Variants in MYOM1 observed in about 807,000 individuals in gnomAD.
MYOM1 encodes myomesin-1.
In MYOM1, 164 loss-of-function variants were observed where a neutral mutation model predicts 205.3. The ratio of observed to expected loss-of-function variants is 0.80; its 90% confidence interval spans 0.70 to 0.91. The LOEUF (loss-of-function observed/expected upper bound fraction) is 0.91, where lower values mean the gene tolerates loss of function less well. Ranked by LOEUF, MYOM1 falls within the 40% of genes least tolerant of loss-of-function variation. The pLI is 0.00. For missense variants in MYOM1, 2,011 were observed against 2,127.3 expected (o/e 0.95, Z 1.08); for synonymous variants, 772 against 789.4 (o/e 0.98, Z 0.37).
rs534974724 is a variant in MYOM1 at position 3,155,227 on chromosome 18, C to T, written c.1502-139G>A. On this transcript the variant is annotated intron_variant, in intron 10 of 37. Coordinates refer to ENST00000356443, the MANE Select transcript of MYOM1 (RefSeq NM_003803.4). ...CCAACGCAGCAAGCATCAAATCTTG[C>T]TATTTTTTTTTTGAGACGGAGTCTC... is the stretch of plus-strand genomic sequence containing the variant. The T allele has an allele frequency of 2.1e-4, 198 of 923,834 alleles. 1 individual carries two copies. In the African/African-American group the frequency reaches 2.7e-3, roughly 13 times the overall value. The allele number at this position is 923,834 out of a possible 1,614,324, so 57.2% of individuals were successfully genotyped here. A position where few individuals can be genotyped will look rare whatever the true frequency, so the allele number is the denominator to read the frequency against.
chr18:3,136,873 T>C (rs976440929), intron 14 of MYOM1, among the ~76,000 whole-genome samples: 2 of 152,228 alleles, frequency 1.3e-5, no homozygotes, highest in African/African-American at 4.8e-5. Flanking sequence ...AGGAGCTTTG[T>C]TCACTGCTTT....
intron 1 of MYOM1, among the ~76,000 whole-genome samples, chr18:3,216,143 C>A (rs2081263843): frequency 6.6e-6 from 1 of 152,176 alleles, no homozygotes; most frequent in Non-Finnish European, 1.5e-5. Context: ...TGGTGGGCAC[C>A]TGTAGTCCCA....
the MYOM1 span, among the ~76,000 whole-genome samples, chr18:3,229,918 G>A: frequency 1.4e-5 from 2 of 138,750 alleles, no homozygotes; most frequent in African/African-American, 5.4e-5. Flanking sequence ...GGAGGTTGCA[G>A]TGAGCCGAGA....
In MYOM1 at chr18:3,179,494, GAC is replaced by G. The variant is rs1567952993; in HGVS notation, c.930-3362_930-3361del. Among the ~76,000 whole-genome samples, 1 of 152,140 alleles carries G rather than the reference GAC, an allele frequency of 6.6e-6. No individual in the cohort carries two copies. Among genetic ancestry groups the G allele is most frequent in the Non-Finnish European group, 1.5e-5 (1 of 68,020 alleles). ...TAAATGCACACGAAGAAAGTAAGTTGACAGTCTCAGTTCCCTCAGATGTGAAA... is the reference window on the plus strand; with the variant it reads ...TAAATGCACACGAAGAAAGTAAGTTGAGTCTCAGTTCCCTCAGATGTGAAA... On this transcript the variant is annotated intron_variant, in intron 5 of 37. Coordinates refer to ENST00000356443, the MANE Select transcript of MYOM1 (RefSeq NM_003803.4). This position sits in a 1 kb window ranked among gnomAD's most constrained non-coding sequence, Gnocchi z 4.4.
At position 3,129,435 on chromosome 18, in the gene MYOM1, G is replaced by T; in HGVS notation, c.2591C>A (p.Ala864Asp). Residue 864 changes from alanine to aspartate, a missense_variant, in exon 18 of 38, where the codon GCC becomes GAC. Physicochemically the swap from Ala to Asp is moderately radical, Grantham distance 126. Coordinates refer to ENST00000356443, the MANE Select transcript of MYOM1 (RefSeq NM_003803.4). ...LTASRGRVHE[A>D]SPPTFQKDAL... ...ATCTTTCTGGAAGGTTGGCGGGGAGGCTTCATGCACGCGCCCCCTGGAGGC... is the reference window on the plus strand; with the variant it reads ...ATCTTTCTGGAAGGTTGGCGGGGAGTCTTCATGCACGCGCCCCCTGGAGGC... The T allele has an allele frequency of 6.2e-7, 1 of 1,613,940 alleles. No individual in the cohort carries two copies. Among genetic ancestry groups the T allele is most frequent in the East Asian group, 2.2e-5 (1 of 44,876 alleles).
chr18:3,130,441 AATTTT>A (rs1303788427), intron 17 of MYOM1, among the ~76,000 whole-genome samples: 1 of 152,072 alleles, frequency 6.6e-6, no homozygotes, highest in Non-Finnish European at 1.5e-5. Context: ...CTATATAATA[AATTTT>A]ATTTTATTTA....
Position 3,067,493 on chromosome 18 carries a change from G to C in MYOM1, c.4827C>G (p.Asn1609Lys). The part of the protein sequence containing the change: ...DPPPEVSWLK[N>K]EKALASDDHC... ...GGTCGTCTGAGGCCAGGGCCTTCTC[G>C]TTCTTCAACCACGACACCTCCGGAG... is the stretch of plus-strand genomic sequence containing the variant. The change falls in exon 38 of 38, where the codon AAC (asparagine) becomes AAG (lysine). Residue 1609 changes from asparagine to lysine, a missense_variant. Asn to Lys is a moderately conservative substitution (Grantham distance 94). Coordinates refer to ENST00000356443, the MANE Select transcript of MYOM1 (RefSeq NM_003803.4). The C allele has an allele frequency of 6.2e-7, 1 of 1,613,868 alleles. No homozygotes were observed. Among genetic ancestry groups the C allele is most frequent in the Middle Eastern group, 1.7e-4 (1 of 5,920 alleles).
At chr18:3,174,285 T>G in intron 6 of MYOM1, 77 bp from the exon 7 acceptor site, 1 of 1,296,106 alleles carries the variant, frequency 7.7e-7, no homozygotes, top group South Asian at 1.3e-5. Context: ...CAAGGAACTC[T>G]TTGCTATCAC....
chr18:3,207,866 A>G (rs558082082), intron 2 of MYOM1, among the ~76,000 whole-genome samples: 12 of 152,322 alleles, frequency 7.9e-5, no homozygotes, highest in African/African-American at 2.9e-4. Flanking sequence ...AGGGAAGACT[A>G]TGCCATTCTG....
rs1567933095 is a variant in MYOM1, at chr18:3,147,121, A to AATAT, written c.1900+2020_1900+2023dup. On this transcript the variant is annotated intron_variant, in intron 13 of 37. Transcript: ENST00000356443. ...AGATAAATATATATATTTATATATA[A>AATAT]ATATTATATATTATAGATAAATATA... 7.2e-3 allele frequency among the ~76,000 whole-genome samples: 1,002 copies of AATAT among 139,968 alleles called. 8 individuals are homozygous for AATAT. The highest frequency in any genetic ancestry group is 0.043 in the Middle Eastern group (11 of 256). The allele number at this position is 139,968 out of a possible 152,430, so 91.8% of individuals were successfully genotyped here. A position where few individuals can be genotyped will look rare whatever the true frequency, so the allele number is the denominator to read the frequency against.
rs1263858413 is a variant in MYOM1 at position 3,112,298 on chromosome 18, C to T, written c.3418G>A (p.Gly1140Arg). 2.5e-6 allele frequency: 4 copies of T among 1,612,880 alleles called. No individual in the cohort carries two copies. Among genetic ancestry groups the T allele is most frequent in the Non-Finnish European group, 3.4e-6 (4 of 1,179,150 alleles). ...AGPVVAETRP[G>R]TKEVVVNVDD... Reference sequence around the variant, plus strand: ...TTTTAATGAAAAGGTGAAAGCCCACCTGGACGGGTCTCTGCCACAACAGGG... The same window carrying T: ...TTTTAATGAAAAGGTGAAAGCCCACTTGGACGGGTCTCTGCCACAACAGGG... The change falls in exon 22 of 38, where the codon GGA (glycine) becomes AGA (arginine). Residue 1140 changes from glycine to arginine, a missense_variant and splice_region_variant. By Grantham distance (125) the Gly-to-Arg change is moderately radical (BLOSUM62 -2). Transcript: ENST00000356443.
In MYOM1 at chr18:3,142,059, A is replaced by G. The variant is rs761107906; in HGVS notation, c.1905T>C (p.Gly635=). The G allele has an allele frequency of 1.1e-5, 17 of 1,612,990 alleles. 1 individual carries two copies. Among genetic ancestry groups the G allele is most frequent in the Middle Eastern group, 3.3e-4 (2 of 6,054 alleles). Residue 635 remains glycine, a synonymous_variant, in exon 14 of 38, where the codon GGT becomes GGC. Coordinates refer to ENST00000356443, the MANE Select transcript of MYOM1 (RefSeq NM_003803.4). ...GGTCTGTCGGGGGGCCAGGCACAAT[A>G]CCCTCTGAAAAACAACAAGGAAAAA... is the stretch of plus-strand genomic sequence containing the variant. ...IIVTEEEPSE[G]IVPGPPTDLS...
intron 10 of MYOM1, among the ~76,000 whole-genome samples, chr18:3,161,148 C>G (rs2080385567): frequency 6.6e-6 from 1 of 152,196 alleles, no homozygotes; most frequent in Non-Finnish European, 1.5e-5. Context: ...GTTCTCACTG[C>G]AATTTTCCCA....
At chr18:3,207,555 T>C (rs1323917198) in intron 2 of MYOM1, among the ~76,000 whole-genome samples, 1 of 152,226 alleles carries the variant, frequency 6.6e-6, no homozygotes, top group Non-Finnish European at 1.5e-5. Flanking sequence ...GCACGAAAGT[T>C]ACCTTACTCT....
At chr18:3,140,887 A>C (rs1354081511) in intron 14 of MYOM1, among the ~76,000 whole-genome samples, 1 of 152,258 alleles carries the variant, frequency 6.6e-6, no homozygotes, top group Admixed American at 6.5e-5. Context: ...TTATAAAAAT[A>C]AAATTTAAAA....
rs1462457180 is a variant in MYOM1, at chr18:3,152,252, T to C, written c.1644-359A>G. On this transcript the variant is annotated intron_variant, in intron 11 of 37. Transcript: ENST00000356443. This position sits in a 1 kb window ranked among gnomAD's most constrained non-coding sequence, Gnocchi z 4.3. ...CATCTCCCCGGCTGATGCCTTCAAT[T>C]CTACCATTAGTGACTTCTTTGTCTT... Among the ~76,000 whole-genome samples, 2 of 152,212 alleles carry C rather than the reference T, an allele frequency of 1.3e-5. No individual in the cohort carries two copies. The highest frequency in any genetic ancestry group is 4.8e-5 in the African/African-American group (2 of 41,450).
intron 37 of MYOM1, among the ~76,000 whole-genome samples, chr18:3,069,476 T>C (rs2078936979): frequency 6.6e-6 from 1 of 152,222 alleles, no homozygotes; most frequent in Non-Finnish European, 1.5e-5. Context: ...TTTGCAGGTA[T>C]ATCATTTAAA....
At chr18:3,147,111 T>C (rs1444036295) in intron 13 of MYOM1, among the ~76,000 whole-genome samples, 1 of 138,428 alleles carries the variant, frequency 7.2e-6, no homozygotes, top group East Asian at 2.0e-4. Flanking sequence ...AATATATATA[T>C]TTATATATAA....
intron 34 of MYOM1, among the ~76,000 whole-genome samples, chr18:3,076,094 CT>C (rs2079018451): frequency 6.6e-6 from 1 of 152,098 alleles, no homozygotes; most frequent in Non-Finnish European, 1.5e-5. Flanking sequence ...GAGACGGAGT[CT>C]TGCTGTGCCC....
Sources: allele counts gnomAD v4.1 joint callset (sites outside exome capture counted in the v4.1 genomes callset), GRCh38; gene constraint gnomAD v4.1.1; non-coding constraint Gnocchi (gnomAD v3.1); transcripts MANE v1.5; gene names NCBI Gene and HGNC (gene_info 2026-07-23, HGNC 2026-07-21).